ST8SIA4: variants seen among roughly 807,000 people sequenced by gnomAD.
The protein encoded by ST8SIA4 is CMP-N-acetylneuraminate-poly-alpha-2,8-sialyltransferase.
In ST8SIA4, 15 loss-of-function variants were observed where a neutral mutation model predicts 33.9. The ratio of observed to expected loss-of-function variants is 0.44; its 90% CI spans 0.30 to 0.68. The LOEUF (loss-of-function observed/expected upper bound fraction) is 0.68, where lower values mean the gene tolerates loss of function less well. Among genes scored for constraint, ST8SIA4 ranks in the 30% least tolerant of loss-of-function variants. ST8SIA4 has a pLI of 0.10. For missense variants in ST8SIA4, 321 were observed against 428.0 expected (o/e 0.75, Z 2.21); for synonymous variants, 171 against 151.2 (o/e 1.13, Z -0.96).
chr5:100,900,956 T>G (rs1332688712), intron 1 of ST8SIA4, among the ~76,000 whole-genome samples: 5 of 152,168 alleles, frequency 3.3e-5, no homozygotes, highest in Admixed American at 2.6e-4. Flanking sequence ...GCCTTCTCAG[T>G]CAAGCTGGGA....
chr5:100,822,907 G>A (rs1374204073), intron 4 of ST8SIA4, among the ~76,000 whole-genome samples: 1 of 152,080 alleles, frequency 6.6e-6, no homozygotes, highest in Admixed American at 6.5e-5. Context: ...CGAGGCGGGC[G>A]GATCACGAGG....
intron 3 of ST8SIA4, among the ~76,000 whole-genome samples, chr5:100,856,610 G>T (rs866225520): frequency 6.6e-6 from 1 of 152,104 alleles, no homozygotes; most frequent in South Asian, 2.1e-4. Context: ...CCAGTACAGG[G>T]CTCAAAATGC....
intron 4 of ST8SIA4, among the ~76,000 whole-genome samples, chr5:100,845,696 G>T (rs1261067157): frequency 6.6e-6 from 1 of 151,828 alleles, no homozygotes; most frequent in African/African-American, 2.4e-5. Flanking sequence ...TGAAATTTTA[G>T]TCTTAGAATT....
At chr5:100,865,464 A>G (rs1219595562) in intron 3 of ST8SIA4, among the ~76,000 whole-genome samples, 2 of 152,190 alleles carry the variant, frequency 1.3e-5, no homozygotes, top group Non-Finnish European at 2.9e-5. Flanking sequence ...CAGGAGATCA[A>G]CTACTCTAAC....
chr5:100,884,323 A>G (rs1263528504), intron 3 of ST8SIA4, among the ~76,000 whole-genome samples: 1 of 152,218 alleles, frequency 6.6e-6, no homozygotes, highest in African/African-American at 2.4e-5. Flanking sequence ...CCAGTAGTCC[A>G]TAGTAGAGCT....
rs1751524434 is a variant in ST8SIA4, at chr5:100,844,296, T to C, written c.797+11807A>G. ...ACTATTGAACAATATTTCCCACATA[T>C]ATCAACCACCATGTATTATGTTTAA... On this transcript the variant is annotated intron_variant, in intron 4 of 4. Coordinates refer to ENST00000231461, the MANE Select transcript of ST8SIA4 (RefSeq NM_005668.6). 2.0e-5 allele frequency among the ~76,000 whole-genome samples: 3 copies of C among 152,000 alleles called. No individual in the cohort carries two copies. The South Asian group carries it at 6.2e-4, about 31-fold the overall frequency.
chr5:100,902,686 T>G (rs1307008573), intron 1 of ST8SIA4, among the ~76,000 whole-genome samples, 157 bp downstream of exon 1: 3 of 152,152 alleles, frequency 2.0e-5, no homozygotes, highest in Non-Finnish European at 4.4e-5. Context: ...AGCACGCACA[T>G]CTCAACAACA....
intron 4 of ST8SIA4, among the ~76,000 whole-genome samples, chr5:100,819,302 G>A (rs1186560847): frequency 1.3e-5 from 2 of 152,118 alleles, no homozygotes; most frequent in Non-Finnish European, 2.9e-5. Context: ...CAATTTCTGT[G>A]GAAATTCTAA....
At chr5:100,852,697 C>T (rs907266546) in intron 4 of ST8SIA4, among the ~76,000 whole-genome samples, 1 of 152,032 alleles carries the variant, frequency 6.6e-6, no homozygotes, top group Non-Finnish European at 1.5e-5. Flanking sequence ...AAAAGAATGA[C>T]AATATATTAC....
At chr5:100,877,285 T>G (rs970880645) in intron 3 of ST8SIA4, among the ~76,000 whole-genome samples, 2 of 152,188 alleles carry the variant, frequency 1.3e-5, no homozygotes, top group South Asian at 2.1e-4. Flanking sequence ...TTACTGAAAT[T>G]TTGTAATAAT....
intron 3 of ST8SIA4, among the ~76,000 whole-genome samples, chr5:100,858,858 G>C (rs538898012): frequency 3.9e-5 from 6 of 152,158 alleles, no homozygotes; most frequent in African/African-American, 1.4e-4. Flanking sequence ...CTTTGTCAAG[G>C]ATAGTAACTG....
chr5:100,816,916 T>C (rs1457840791), intron 4 of ST8SIA4, among the ~76,000 whole-genome samples: 1 of 151,636 alleles, frequency 6.6e-6, no homozygotes, highest in East Asian at 1.9e-4. Context: ...ATTTGAGATA[T>C]TATAAAATAA....
intron 4 of ST8SIA4, among the ~76,000 whole-genome samples, chr5:100,835,202 A>G (rs1456740613): frequency 1.3e-5 from 2 of 152,136 alleles, no homozygotes; most frequent in East Asian, 1.9e-4. Context: ...ATGGCACATG[A>G]TTAGCTATAC....
chr5:100,889,348 T>A (rs1269256569), intron 2 of ST8SIA4, among the ~76,000 whole-genome samples: 1 of 151,878 alleles, frequency 6.6e-6, no homozygotes, highest in African/African-American at 2.4e-5. Context: ...GGCTAGATGG[T>A]GTTATCGTTT....
At chr5:100,871,185 AGTCTATTTTGT>A in intron 3 of ST8SIA4, among the ~76,000 whole-genome samples, 1 of 152,026 alleles carries the variant, frequency 6.6e-6, no homozygotes, top group Non-Finnish European at 1.5e-5. Flanking sequence ...GTTCCAGAAA[AGTCTATTTTGT>A]CATAAAAGAG....
At chr5:100,839,912 T>C (rs978119276) in intron 4 of ST8SIA4, among the ~76,000 whole-genome samples, 2 of 151,800 alleles carry the variant, frequency 1.3e-5, no homozygotes, top group African/African-American at 4.8e-5. Context: ...CAGTTTCCTT[T>C]ATAAAATAAG....
chr5:100,830,762 A>G (rs1174030143), intron 4 of ST8SIA4, among the ~76,000 whole-genome samples: 1 of 152,222 alleles, frequency 6.6e-6, no homozygotes, highest in Non-Finnish European at 1.5e-5. Context: ...ATATTTGTCT[A>G]TGTGTGTGCA....
chr5:100,822,778 G>T (rs1751054870), intron 4 of ST8SIA4, among the ~76,000 whole-genome samples: 1 of 152,092 alleles, frequency 6.6e-6, no homozygotes, highest in Non-Finnish European at 1.5e-5. Context: ...CTAAGTCACA[G>T]GATGAGACAG....
rs745413528 is a variant in ST8SIA4, at chr5:100,811,994, C to A, written c.933G>T (p.Ala311=). 1 of 1,614,020 alleles carries A rather than the reference C, an allele frequency of 6.2e-7. No homozygotes were observed. Among genetic ancestry groups the A allele is most frequent in the Non-Finnish European group, 8.5e-7 (1 of 1,179,988 alleles). ...WPFPKDLNGK[A]VKYHYYDDLK... Reference sequence around the variant, plus strand: ...AGTCATCATAATAATGATATTTGACCGCTTTTCCATTTAAATCCTTAGGGA... The same window carrying A: ...AGTCATCATAATAATGATATTTGACAGCTTTTCCATTTAAATCCTTAGGGA... The change falls in exon 5 of 5, where the codon GCG becomes GCT. Residue 311 remains alanine, a synonymous_variant. Transcript: ENST00000231461.
Sources: gnomAD v4.1 joint callset for allele counts (sites outside exome capture counted in the v4.1 genomes callset) on GRCh38, gnomAD v4.1.1 for gene constraint, MANE v1.5 for transcripts, NCBI Gene and HGNC (gene_info 2026-07-23, HGNC 2026-07-21) for gene names.